The following ITGB2 variants were observed in gnomAD, a reference collection of about 807,000 sequenced individuals.
ITGB2 encodes the protein integrin subunit beta 2, also known as integrin beta-2.
In ITGB2, 56 loss-of-function variants were observed where a neutral mutation model predicts 86.8. The ratio of observed to expected loss-of-function variants is 0.65; its 90% CI spans 0.52 to 0.81. The LOEUF (loss-of-function observed/expected upper bound fraction) is 0.81, where lower values mean the gene tolerates loss of function less well. Ranked by LOEUF, ITGB2 falls within the 30% of genes least tolerant of loss-of-function variation. The probability of loss-of-function intolerance (pLI) is 0.00; values close to 1 mark genes in which losing one functional copy is unlikely to be tolerated. For missense variants in ITGB2, 948 were observed against 1,061.2 expected (o/e 0.89, Z 1.48); for synonymous variants, 457 against 450.4 (o/e 1.01, Z -0.19).
intron 5 of ITGB2, among the ~76,000 whole-genome samples, chr21:44,902,606 T>C (rs916961227): frequency 6.6e-6 from 1 of 152,148 alleles, no homozygotes; most frequent in Non-Finnish European, 1.5e-5. Flanking sequence ...CATTCGCGTG[T>C]GTGAGCATCC....
rs537778141 is a variant in ITGB2 at position 44,899,658 on chromosome 21, G to A, written c.898-496C>T. ...TCAGGCTGCAAGAGCGTCGCACTAC[G>A]GCCAGCGAGGACAAGCCCCTTGTGA... is the stretch of plus-strand genomic sequence containing the variant. On this transcript the variant is annotated intron_variant, in intron 7 of 15. Coordinates refer to ENST00000652462, the MANE Select transcript of ITGB2 (RefSeq NM_000211.5). Among the ~76,000 whole-genome samples, 81 of 152,302 alleles carry A rather than the reference G, an allele frequency of 5.3e-4. 1 individual carries two copies. The highest frequency in any genetic ancestry group is 1.6e-3 in the African/African-American group (66 of 41,552).
intron 9 of ITGB2, 99 bp from the exon 10 acceptor site, chr21:44,893,643 T>C (rs2146508728): frequency 6.8e-7 from 1 of 1,478,938 alleles, no homozygotes; most frequent in South Asian, 1.1e-5. Context: ...CTCCTCTCAG[T>C]GCAAGTCCCC....
rs533855262 is a variant in ITGB2 at position 44,886,315 on chromosome 21, C to T, written c.*53G>A. 22 of 1,475,966 alleles carry T rather than the reference C, an allele frequency of 1.5e-5. No homozygotes were observed. In the African/African-American group the frequency reaches 2.2e-4, roughly 15 times the overall value. 91.4% of individuals were successfully genotyped at this position (1,475,966 alleles called of 1,614,324 possible). A position where few individuals can be genotyped will look rare whatever the true frequency, so the allele number is the denominator to read the frequency against. The stretch of plus-strand genomic sequence containing the variant: ...GCTGTGGCAAGCCATGTCTCGGCCG[C>T]GTGATGGGGCAGACATGGTGGGTCC... On this transcript the variant is annotated 3_prime_UTR_variant, in exon 16 of 16. Transcript: ENST00000652462.
At chr21:44,904,484 C>T (rs896009226) in intron 4 of ITGB2, among the ~76,000 whole-genome samples, 4 of 151,818 alleles carry the variant, frequency 2.6e-5, no homozygotes, top group Non-Finnish European at 4.4e-5. Context: ...ACAGCAAACA[C>T]ACCACAAATA....
chr21:44,900,094 G>C (rs2083928738), intron 7 of ITGB2, among the ~76,000 whole-genome samples: 1 of 152,356 alleles, frequency 6.6e-6, no homozygotes, highest in East Asian at 1.9e-4. Context: ...TGTCCCACAA[G>C]GGCGAGGCCG....
chr21:44,888,976 C>T, intron 13 of ITGB2, 81 bp from the exon 14 acceptor site: 1 of 1,326,184 alleles, frequency 7.5e-7, no homozygotes. Flanking sequence ...GGTGTGTGTC[C>T]ACCAGGGGGG....
At chr21:44,889,580 G>T in intron 12 of ITGB2, 85 bp from the exon 13 acceptor site, 1 of 1,218,346 alleles carries the variant, frequency 8.2e-7, no homozygotes, top group East Asian at 2.5e-5. Flanking sequence ...TGCTCCCTCC[G>T]GCCCGCCTGC....
chr21:44,889,838 G>A (rs556563812), intron 12 of ITGB2, 140 bp downstream of exon 12: 65 of 1,273,448 alleles, frequency 5.1e-5, no homozygotes, highest in East Asian at 4.5e-4. Context: ...GCTGACGCCC[G>A]GTGGCTGGGC....
At position 44,900,458 on chromosome 21, in the gene ITGB2, G is replaced by A. The variant is rs768662500; in HGVS notation, c.759C>T (p.Arg253=). Reference sequence around the variant, plus strand: ...CAAACACCAGCAGCCGCGTGACGTTGCGCCAGCCGATTTCCTCCTGAGAAG... The same window carrying A: ...CAAACACCAGCAGCCGCGTGACGTTACGCCAGCCGATTTCCTCCTGAGAAG... ...VAACPEEIGW[R]NVTRLLVFAT... The change falls in exon 7 of 16, where the codon CGC becomes CGT. Residue 253 remains arginine (R), a synonymous_variant. Coordinates refer to ENST00000652462, the MANE Select transcript of ITGB2 (RefSeq NM_000211.5). The A allele has an allele frequency of 1.9e-6, 3 of 1,613,962 alleles. No homozygotes were observed. In the South Asian group the frequency reaches 3.3e-5, roughly 18 times the overall value.
intron 3 of ITGB2, chr21:44,908,251 T>G (rs939715950): frequency 3.3e-6 from 2 of 608,122 alleles, no homozygotes; most frequent in African/African-American, 3.7e-5. Flanking sequence ...CTTCTCCTGC[T>G]GCCCTCCCCT....
intron 12 of ITGB2, 86 bp downstream of exon 12, chr21:44,889,892 A>T: frequency 6.5e-7 from 1 of 1,541,892 alleles, no homozygotes; most frequent in Non-Finnish European, 8.9e-7. Context: ...TTTCTGTTCC[A>T]CTCGTTGAAT....
At position 44,906,925 on chromosome 21, in the gene ITGB2, G is replaced by A. The variant is rs1352092716; in HGVS notation, c.318C>T (p.Tyr106=). 4.3e-6 allele frequency: 7 copies of A among 1,614,218 alleles called. No homozygotes were observed. The highest frequency in any genetic ancestry group is 2.2e-5 in the East Asian group (1 of 44,878). ...CGAGGCCAAGCCTACCTGGTCGCAG[G>A]TAAAGCGTCACTTTTTGTGGGGACA... ...KQLSPQKVTL[Y]LRPGQAAAFN... is the part of the protein sequence containing the mutation. Residue 106 remains tyrosine (Y), a synonymous_variant, in exon 4 of 16, where the codon TAC becomes TAT. Coordinates refer to ENST00000652462, the MANE Select transcript of ITGB2 (RefSeq NM_000211.5).
At chr21:44,920,243 C>CAA (rs972545298) in intron 1 of ITGB2, among the ~76,000 whole-genome samples, 17 of 152,128 alleles carry the variant, frequency 1.1e-4, no homozygotes, top group African/African-American at 4.1e-4. Context: ...TACATGCACA[C>CAA]ACACACACCA....
chr21:44,889,118 G>A lies in ITGB2; in HGVS notation c.1877+158C>T. The A allele has an allele frequency of 8.1e-6, 6 of 739,976 alleles. No homozygotes were observed. In the South Asian group the frequency reaches 8.4e-5, roughly 10 times the overall value. The allele number at this position is 739,976 out of a possible 1,614,324, so 45.8% of individuals were successfully genotyped here. A position where few individuals can be genotyped will look rare whatever the true frequency, so the allele number is the denominator to read the frequency against. On this transcript the variant is annotated intron_variant, in intron 13 of 15. Transcript: ENST00000652462. Reference sequence around the variant, plus strand: ...GCACAGGAGGGAGGAGGGACACAGGGGCACGGCGGCCGCGGAGGGCCCCTC... The same window carrying A: ...GCACAGGAGGGAGGAGGGACACAGGAGCACGGCGGCCGCGGAGGGCCCCTC...
intron 1 of ITGB2, among the ~76,000 whole-genome samples, chr21:44,911,948 G>A (rs1601325052): frequency 2.0e-5 from 3 of 152,248 alleles, no homozygotes; most frequent in South Asian, 4.1e-4. Context: ...GACCTCCCAG[G>A]ACCTGAGAAC....
chr21:44,901,763 T>C (rs1202943956), intron 5 of ITGB2, 30 bp from the exon 6 acceptor site: 1 of 1,591,240 alleles, frequency 6.3e-7, no homozygotes, highest in Admixed American at 1.7e-5. Flanking sequence ...GCTGGGGAGG[T>C]GGCAGGCTGG....
rs1217213970 is a variant in ITGB2 at position 44,906,825 on chromosome 21, C to T, written c.328+90G>A. The T allele has an allele frequency of 2.1e-5, 30 of 1,415,738 alleles. No individual in the cohort carries two copies. In the Middle Eastern group the frequency reaches 5.3e-4, roughly 25 times the overall value. The allele number at this position is 1,415,738 out of a possible 1,614,324, so 87.7% of individuals were successfully genotyped here. On this transcript the variant is annotated intron_variant, in intron 4 of 15. Coordinates refer to ENST00000652462, the MANE Select transcript of ITGB2 (RefSeq NM_000211.5). ...ACCCGGACACATGCCTTCTGGGCAG[C>T]CCTGACACCCCAGAGCAGGGCCGGA...
At chr21:44,902,468 C>T (rs1384541182) in intron 5 of ITGB2, among the ~76,000 whole-genome samples, 12 of 148,182 alleles carry the variant, frequency 8.1e-5, no homozygotes, top group African/African-American at 3.0e-4. Context: ...CATGTGTGAG[C>T]ATACATTCAC....
At chr21:44,887,963 G>T (rs1196133111) in intron 14 of ITGB2, among the ~76,000 whole-genome samples, 1 of 152,208 alleles carries the variant, frequency 6.6e-6, no homozygotes, top group Non-Finnish European at 1.5e-5. Context: ...GTCCGCCAGC[G>T]GCCCCCCAGC....
Sources: gnomAD v4.1 joint callset for allele counts (sites outside exome capture counted in the v4.1 genomes callset) on GRCh38, gnomAD v4.1.1 for gene constraint, MANE v1.5 for transcripts, NCBI Gene and HGNC (gene_info 2026-07-23, HGNC 2026-07-21) for gene names.